ELMO1: variants seen among roughly 807,000 people sequenced by gnomAD.
The protein encoded by ELMO1 is engulfment and cell motility 1, also known as engulfment and cell motility protein 1.
A neutral mutation model predicts 98.9 loss-of-function variants in ELMO1; 26 were observed. The observed-to-expected ratio is 0.26, with a 90% CI of 0.19 to 0.36. ELMO1 has a LOEUF of 0.36. Ranked by LOEUF, ELMO1 falls within the 10% of genes least tolerant of loss-of-function variation. The pLI, the probability that ELMO1 is intolerant of heterozygous loss-of-function variation, is 1.00. For synonymous variants in ELMO1, 346 were observed against 346.0 expected (o/e 1.00, Z 0.00); for missense variants, 627 against 935.2 (o/e 0.67, Z 4.30).
intron 16 of ELMO1, among the ~76,000 whole-genome samples, chr7:36,973,872 T>C (rs1211126336): frequency 6.6e-6 from 1 of 152,232 alleles, no homozygotes; most frequent in Non-Finnish European, 1.5e-5. Context: ...AATGAGGGGC[T>C]TAGCACCCGG....
intron 5 of ELMO1, chr7:37,271,341 G>A (rs995195248): frequency 6.5e-6 from 1 of 154,258 alleles, no homozygotes; most frequent in African/African-American, 2.4e-5. Flanking sequence ...GCATTAGGTG[G>A]ATGTGTGAGT....
At chr7:37,094,997 T>G (rs1346724774) in intron 15 of ELMO1, among the ~76,000 whole-genome samples, 2 of 152,184 alleles carry the variant, frequency 1.3e-5, no homozygotes, top group African/African-American at 2.4e-5. Context: ...GAAGAGCAGA[T>G]AGCTGGGCAC....
At chr7:36,952,823 G>A (rs1314212120) in intron 16 of ELMO1, among the ~76,000 whole-genome samples, 1 of 152,152 alleles carries the variant, frequency 6.6e-6, no homozygotes, top group East Asian at 1.9e-4. Context: ...AGAGGAGGAA[G>A]AGAGCAGTAT....
At chr7:37,030,788 T>C (rs1794839483) in intron 15 of ELMO1, among the ~76,000 whole-genome samples, 1 of 152,204 alleles carries the variant, frequency 6.6e-6, no homozygotes, top group South Asian at 2.1e-4. Flanking sequence ...TTCTTCTCAC[T>C]CTTCACTCCT....
intron 1 of ELMO1, among the ~76,000 whole-genome samples, chr7:37,420,395 A>T (rs1053471290): frequency 2.0e-5 from 3 of 152,230 alleles, no homozygotes; most frequent in Admixed American, 1.3e-4. Context: ...AGCCCTGCCC[A>T]TTCTCATTCT....
chr7:37,403,631 A>C (rs1803626415), intron 1 of ELMO1, among the ~76,000 whole-genome samples: 1 of 152,016 alleles, frequency 6.6e-6, no homozygotes, highest in African/African-American at 2.4e-5. Context: ...TGCAGCCTTG[A>C]CCTCCTGGCC....
intron 6 of ELMO1, among the ~76,000 whole-genome samples, chr7:37,258,287 A>AC (rs1253567900): frequency 6.6e-6 from 1 of 151,624 alleles, no homozygotes; most frequent in African/African-American, 2.4e-5. Context: ...AAAACAAAAA[A>AC]AAAACTAGCT....
chr7:37,034,497 A>G (rs1795068013), intron 15 of ELMO1, among the ~76,000 whole-genome samples: 1 of 152,206 alleles, frequency 6.6e-6, no homozygotes. Flanking sequence ...TGCACAGTCA[A>G]AAATCTATGT....
At chr7:37,405,015 C>T (rs913778339) in intron 1 of ELMO1, among the ~76,000 whole-genome samples, 7 of 152,244 alleles carry the variant, frequency 4.6e-5, no homozygotes, top group African/African-American at 1.7e-4. Context: ...AAGGCGTTTG[C>T]TGAGCAATCA....
At chr7:37,068,475 C>T (rs1797100138) in intron 15 of ELMO1, among the ~76,000 whole-genome samples, 2 of 152,166 alleles carry the variant, frequency 1.3e-5, no homozygotes, top group Non-Finnish European at 2.9e-5. Flanking sequence ...AACCCCATCT[C>T]TTCTTATTGC....
intron 1 of ELMO1, among the ~76,000 whole-genome samples, chr7:37,444,530 T>C (rs1805532223): frequency 6.6e-6 from 1 of 151,150 alleles, no homozygotes; most frequent in East Asian, 1.9e-4. Context: ...TTTTTTTTTT[T>C]GAGATGGAGT....
At chr7:37,334,006 T>C (rs535926432) in intron 2 of ELMO1, among the ~76,000 whole-genome samples, 30 of 152,290 alleles carry the variant, frequency 2.0e-4, no homozygotes, top group African/African-American at 6.7e-4. Flanking sequence ...GGGAGAGTGA[T>C]AAATTTCAAG....
intron 15 of ELMO1, among the ~76,000 whole-genome samples, chr7:37,060,023 A>C (rs955330570): frequency 2.0e-5 from 3 of 152,228 alleles, no homozygotes. Flanking sequence ...GGCACCTACT[A>C]TGGATTAGGC....
chr7:37,247,551 C>T (rs905222458), intron 6 of ELMO1, among the ~76,000 whole-genome samples: 1 of 152,154 alleles, frequency 6.6e-6, no homozygotes, highest in African/African-American at 2.4e-5. Context: ...ATTTTCACAT[C>T]TGTATGAGAG....
rs542335660 is a variant in ELMO1 at position 37,190,097 on chromosome 7, G to A, written c.1086+21289C>T. On this transcript the variant is annotated intron_variant, in intron 13 of 21. Coordinates refer to ENST00000310758, the MANE Select transcript of ELMO1 (RefSeq NM_014800.11). ...TTTAGCAGAAATTCTTATACTGAACGAAAGAACAGCAGCAAAGGCTCTTTA... is the reference window on the plus strand; with the variant it reads ...TTTAGCAGAAATTCTTATACTGAACAAAAGAACAGCAGCAAAGGCTCTTTA... 8.1e-5 allele frequency among the ~76,000 whole-genome samples: 12 copies of A among 148,290 alleles called. No homozygotes were observed. The East Asian group carries it at 2.0e-3, about 24-fold the overall frequency.
intron 1 of ELMO1, among the ~76,000 whole-genome samples, chr7:37,430,287 G>A (rs963933561): frequency 6.6e-6 from 1 of 152,162 alleles, no homozygotes; most frequent in Non-Finnish European, 1.5e-5. Context: ...TATCAGCCAC[G>A]CGTTACAGCT....
intron 7 of ELMO1, among the ~76,000 whole-genome samples, chr7:37,238,914 C>CAT (rs1371242056): frequency 6.6e-6 from 1 of 152,102 alleles, no homozygotes; most frequent in African/African-American, 2.4e-5. Context: ...ATCCCTTTAA[C>CAT]ATATTGCTTG....
intron 16 of ELMO1, among the ~76,000 whole-genome samples, chr7:37,010,929 C>T (rs1472232120): frequency 6.6e-6 from 1 of 152,138 alleles, no homozygotes; most frequent in Non-Finnish European, 1.5e-5. Flanking sequence ...ATTCCTTGTC[C>T]TTCCCATCCT....
intron 16 of ELMO1, among the ~76,000 whole-genome samples, chr7:37,002,368 T>C (rs1369345682): frequency 6.6e-6 from 1 of 152,228 alleles, no homozygotes; most frequent in Non-Finnish European, 1.5e-5. Flanking sequence ...TGGCAAGGAT[T>C]TGGAAGTATG....
Sources: allele counts gnomAD v4.1 joint callset (sites outside exome capture counted in the v4.1 genomes callset), GRCh38; gene constraint gnomAD v4.1.1; transcripts MANE v1.5; gene names NCBI Gene and HGNC (gene_info 2026-07-23, HGNC 2026-07-21).